FHIT: variants seen among roughly 807,000 people sequenced by gnomAD.
The protein encoded by FHIT is fragile histidine triad diadenosine triphosphatase.
Under a neutral mutation model 17.9 loss-of-function variants are expected in FHIT, and 19 were observed. That is an observed-to-expected ratio of 1.06 (90% CI 0.74 to 1.56). The LOEUF is 1.56. Ranked by LOEUF, FHIT falls within the 40% of genes most tolerant of loss-of-function variation. The pLI, the probability that FHIT is intolerant of heterozygous loss-of-function variation, is 0.00. For missense variants in FHIT, 248 were observed against 189.2 expected, an observed-to-expected ratio of 1.31 and a Z score of -1.82; for synonymous variants, 81 against 69.7, an observed-to-expected ratio of 1.16 and a Z score of -0.81.
chr3:61,113,541 C>A (rs1164922022), intron 2 of FHIT, among the ~76,000 whole-genome samples: 1 of 152,166 alleles, frequency 6.6e-6, no homozygotes, highest in Non-Finnish European at 1.5e-5. Context: ...ATGCTGAGAG[C>A]TTTGTTCCTA....
rs142331203 is a variant in FHIT, at chr3:61,192,724, C to G, written c.-164+7893G>C. Among the ~76,000 whole-genome samples, 226 of 152,138 alleles carry G rather than the reference C, an allele frequency of 1.5e-3. 8 individuals are homozygous for G. In the East Asian group the frequency reaches 0.041, roughly 28 times the overall value. On this transcript the variant is annotated intron_variant, in intron 2 of 9. Transcript: ENST00000492590. ...AAAATGATGCAGAGATTCATAATTC[C>G]ACCCACATTCCCCAAAATCTTTAGA...
At chr3:61,199,175 C>A (rs2106665243) in intron 2 of FHIT, among the ~76,000 whole-genome samples, 1 of 152,186 alleles carries the variant, frequency 6.6e-6, no homozygotes, top group Non-Finnish European at 1.5e-5. Context: ...TCCAGAGTAC[C>A]AATTCAACAA....
At chr3:60,838,974 G>A (rs1702625757) in intron 3 of FHIT, among the ~76,000 whole-genome samples, 1 of 152,026 alleles carries the variant, frequency 6.6e-6, no homozygotes, top group Non-Finnish European at 1.5e-5. Context: ...CGAAAGCCCT[G>A]AGAAAAGCGG....
intron 5 of FHIT, among the ~76,000 whole-genome samples, chr3:60,239,122 A>G (rs1390649284): frequency 2.0e-5 from 3 of 152,200 alleles, no homozygotes; most frequent in Non-Finnish European, 4.4e-5. Context: ...TATTTTTGCA[A>G]AGCCTACTTC....
chr3:59,828,809 G>GTTT (rs1429672910), intron 8 of FHIT, among the ~76,000 whole-genome samples: 19 of 145,030 alleles, frequency 1.3e-4, no homozygotes, highest in East Asian at 8.3e-4. Context: ...AGAAGTAGAG[G>GTTT]TTTTTTGTTT....
intron 4 of FHIT, among the ~76,000 whole-genome samples, chr3:60,737,402 A>C (rs2042155781): frequency 1.3e-5 from 2 of 152,248 alleles, no homozygotes; most frequent in South Asian, 4.1e-4. Flanking sequence ...AGTTACACTT[A>C]TCTGAATTTT....
rs1430763385 is a variant in FHIT at position 59,776,617 on chromosome 3, A to AT, written c.349-24297dup. 8.5e-5 allele frequency among the ~76,000 whole-genome samples: 13 copies of AT among 152,218 alleles called. 1 individual carries two copies. In the South Asian group the frequency reaches 2.7e-3, roughly 32 times the overall value. ...CCCCCTGATGACAGCAGCCTCCTAA[A>AT]TGGACCCCTTGCTTCTACTCTTGAC... On this transcript the variant is annotated intron_variant, in intron 8 of 9. Coordinates refer to ENST00000492590, the MANE Select transcript of FHIT (RefSeq NM_002012.4).
At chr3:59,772,747 G>A (rs1436245900) in intron 8 of FHIT, among the ~76,000 whole-genome samples, 1 of 152,092 alleles carries the variant, frequency 6.6e-6, no homozygotes, top group Non-Finnish European at 1.5e-5. Flanking sequence ...GGGTTTGCAG[G>A]GCTTTAGATT....
intron 5 of FHIT, among the ~76,000 whole-genome samples, chr3:60,318,580 G>A (rs1410958389): frequency 6.6e-6 from 1 of 152,098 alleles, no homozygotes; most frequent in Non-Finnish European, 1.5e-5. Context: ...CTCATCAGAG[G>A]GGTCAAGACC....
At chr3:59,968,172 G>A (rs1332809074) in intron 7 of FHIT, among the ~76,000 whole-genome samples, 1 of 152,064 alleles carries the variant, frequency 6.6e-6, no homozygotes, top group Non-Finnish European at 1.5e-5. Flanking sequence ...GACTTTAGAA[G>A]GCAAACTTTC....
chr3:60,813,824 C>G (rs782763557), intron 4 of FHIT, among the ~76,000 whole-genome samples: 1 of 152,072 alleles, frequency 6.6e-6, no homozygotes, highest in African/African-American at 2.4e-5. Context: ...TTTAATGACT[C>G]CTTTATTATG....
At chr3:60,205,510 T>C (rs912771070) in intron 5 of FHIT, among the ~76,000 whole-genome samples, 1 of 152,114 alleles carries the variant, frequency 6.6e-6, no homozygotes, top group African/African-American at 2.4e-5. Flanking sequence ...AGCCAAAGGA[T>C]AGAGCCACCT....
At chr3:60,202,980 A>G (rs1702983863) in intron 5 of FHIT, among the ~76,000 whole-genome samples, 1 of 148,522 alleles carries the variant, frequency 6.7e-6, no homozygotes, top group South Asian at 2.1e-4. Context: ...GTGACAGAAT[A>G]ATTTGTTTGA....
At chr3:60,924,058 T>G (rs1707442398) in intron 3 of FHIT, among the ~76,000 whole-genome samples, 2 of 151,984 alleles carry the variant, frequency 1.3e-5, no homozygotes, top group African/African-American at 2.4e-5. Flanking sequence ...CAAAGCGGCC[T>G]GGAAGCTCGA....
chr3:60,873,407 C>T (rs1553755499), intron 3 of FHIT, among the ~76,000 whole-genome samples: 1 of 152,218 alleles, frequency 6.6e-6, no homozygotes, highest in Non-Finnish European at 1.5e-5. Context: ...AAAGTAAGCA[C>T]TCAGCGCCGT....
intron 5 of FHIT, among the ~76,000 whole-genome samples, chr3:60,441,118 C>T (rs1012387581): frequency 6.6e-6 from 1 of 152,076 alleles, no homozygotes; most frequent in Admixed American, 6.6e-5. Flanking sequence ...GGTGATATCA[C>T]TATCTTTACC....
chr3:60,532,664 G>A (rs563859481), intron 5 of FHIT, among the ~76,000 whole-genome samples: 7 of 152,304 alleles, frequency 4.6e-5, no homozygotes, highest in Middle Eastern at 3.4e-3. Context: ...TGTTCAATAG[G>A]CTTTAAACAG....
At chr3:59,754,162 G>A (rs559428163) in intron 8 of FHIT, among the ~76,000 whole-genome samples, 5 of 151,896 alleles carry the variant, frequency 3.3e-5, no homozygotes, top group South Asian at 2.1e-4. Flanking sequence ...AAAACAGTGA[G>A]GGAACCATAG....
intron 4 of FHIT, among the ~76,000 whole-genome samples, chr3:60,634,018 T>C (rs782567255): frequency 6.6e-6 from 1 of 152,226 alleles, no homozygotes; most frequent in Non-Finnish European, 1.5e-5. Flanking sequence ...ACAGAGCTGC[T>C]GTACTGTAAG....
Sources: gnomAD v4.1 joint callset for allele counts (sites outside exome capture counted in the v4.1 genomes callset) on GRCh38, gnomAD v4.1.1 for gene constraint, MANE v1.5 for transcripts, NCBI Gene and HGNC (gene_info 2026-07-23, HGNC 2026-07-21) for gene names.